SEC14L5: variants seen among roughly 807,000 people sequenced by gnomAD.
SEC14L5 encodes SEC14-like protein 5.
A neutral mutation model predicts 84.6 loss-of-function variants in SEC14L5; 96 were observed. The ratio of observed to expected loss-of-function variants is 1.13; its 90% CI spans 0.96 to 1.34. SEC14L5 has a LOEUF of 1.34. Among genes scored for constraint, SEC14L5 ranks in the 40% most tolerant of loss-of-function variants. SEC14L5 has a pLI of 0.00. For synonymous variants in SEC14L5, 546 were observed against 383.4 expected (o/e 1.42, Z -4.95); for missense variants, 1,224 against 942.5 (o/e 1.30, Z -3.91).
intron 2 of SEC14L5, among the ~76,000 whole-genome samples, chr16:4,975,472 C>A (rs1214189233): frequency 3.1e-3 from 241 of 77,172 alleles, no homozygotes; most frequent in Middle Eastern, 9.3e-3. Context: ...AACTCCATCT[C>A]AAAAAAAAAA....
Position 4,964,327 on chromosome 16 carries a change from A to G in SEC14L5, c.63+4941A>G, listed in dbSNP as rs547583121. ...ACCAGGGCCGGGCATGGTGGCTCAC[A>G]CCTGTAATCCCAGCACTTTGGGAGG... On this transcript the variant is annotated intron_variant, in intron 2 of 15. Coordinates refer to ENST00000251170, the MANE Select transcript of SEC14L5 (RefSeq NM_014692.2). 2.6e-5 allele frequency among the ~76,000 whole-genome samples: 4 copies of G among 152,086 alleles called. No individual in the cohort carries two copies. In the East Asian group the frequency reaches 7.8e-4, roughly 30 times the overall value.
At position 4,996,845 on chromosome 16, in the gene SEC14L5, T is replaced by C; in HGVS notation, c.781-10T>C. On this transcript the variant is annotated splice_polypyrimidine_tract_variant and intron_variant, in intron 7 of 15. Transcript: ENST00000251170. ...CCGTTCTGTGGGCTTTTTACTTCTT[T>C]GTCTCTCAGATTCCCAAAGATGAGC... is the stretch of plus-strand genomic sequence containing the variant. 6.2e-7 allele frequency: 1 copy of C among 1,604,334 alleles called. No homozygotes were observed. The highest frequency in any genetic ancestry group is 8.5e-7 in the Non-Finnish European group (1 of 1,175,284).
At chr16:4,959,232 G>C in intron 1 of SEC14L5, 41 bp from the exon 2 acceptor site, 1 of 961,950 alleles carries the variant, frequency 1.0e-6, no homozygotes, top group Admixed American at 1.8e-5. Context: ...CCTGCTTCCC[G>C]AGGTGGGAGC....
chr16:5,011,471 G>A (rs1406795071), intron 15 of SEC14L5, among the ~76,000 whole-genome samples, 198 bp downstream of exon 15: 1 of 152,214 alleles, frequency 6.6e-6, no homozygotes, highest in East Asian at 1.9e-4. Context: ...GTCTAACTCT[G>A]CTTCCGAAGC....
chr16:4,999,126 G>T (rs1172807079), intron 8 of SEC14L5, among the ~76,000 whole-genome samples: 1 of 152,142 alleles, frequency 6.6e-6, no homozygotes, highest in Admixed American at 6.5e-5. Flanking sequence ...TGACTTTGCT[G>T]TTTAAAATGC....
intron 2 of SEC14L5, among the ~76,000 whole-genome samples, chr16:4,979,731 T>TG (rs1568117295): frequency 2.6e-5 from 4 of 152,082 alleles, no homozygotes; most frequent in African/African-American, 9.7e-5. Context: ...TTCTTGCTCC[T>TG]GTCATTTTCC....
chr16:4,959,698 G>C (rs1955095269), intron 2 of SEC14L5, among the ~76,000 whole-genome samples: 1 of 152,162 alleles, frequency 6.6e-6, no homozygotes, highest in Non-Finnish European at 1.5e-5. Flanking sequence ...TCATATAATG[G>C]CATATCACAG....
chr16:4,976,274 C>G (rs959237075), intron 2 of SEC14L5, among the ~76,000 whole-genome samples: 1 of 152,120 alleles, frequency 6.6e-6, no homozygotes, highest in Non-Finnish European at 1.5e-5. Flanking sequence ...TTTTTTCACA[C>G]AGCTGATGAG....
chr16:4,961,607 G>A, intron 2 of SEC14L5, among the ~76,000 whole-genome samples: 1 of 152,170 alleles, frequency 6.6e-6, no homozygotes, highest in Non-Finnish European at 1.5e-5. Context: ...GGGATTACAG[G>A]GGTGACTCAC....
At chr16:4,969,232 C>CATTTCTGTGTGCATTT (rs1955244437) in intron 2 of SEC14L5, among the ~76,000 whole-genome samples, 1 of 152,218 alleles carries the variant, frequency 6.6e-6, no homozygotes, top group Admixed American at 6.5e-5. Context: ...CTCGTGCATT[C>CATTTCTGTGTGCATTT]ATTTCTGTGT....
At chr16:4,976,304 A>G (rs1310680230) in intron 2 of SEC14L5, among the ~76,000 whole-genome samples, 1 of 152,130 alleles carries the variant, frequency 6.6e-6, no homozygotes, top group Non-Finnish European at 1.5e-5. Flanking sequence ...AGAGATCCCA[A>G]CCCAGGCCCC....
Position 4,999,444 on chromosome 16 carries a change from C to G in SEC14L5, c.971-1211C>G, listed in dbSNP as rs1486070855. ...ACATAGTGAGCTCGCCCCCCTCCAC[C>G]ACATCTCCACAAAAAATACAAAAAA... On this transcript the variant is annotated intron_variant, in intron 8 of 15. Coordinates refer to ENST00000251170, the MANE Select transcript of SEC14L5 (RefSeq NM_014692.2). Among the ~76,000 whole-genome samples, 4 of 151,578 alleles carry G rather than the reference C, an allele frequency of 2.6e-5. No individual in the cohort carries two copies. In the East Asian group the frequency reaches 7.8e-4, roughly 29 times the overall value.
rs764484937 is a variant in SEC14L5 at position 4,990,752 on chromosome 16, C to A, written c.346-15C>A. On this transcript the variant is annotated splice_polypyrimidine_tract_variant and intron_variant, in intron 4 of 15. Transcript: ENST00000251170. ...CGACATTGAGTCCCTGGCATGACCC[C>A]TGCCTGGCTTTCAGGTCCACCCTGA... 13 of 1,601,830 alleles carry A rather than the reference C, an allele frequency of 8.1e-6. No individual in the cohort carries two copies. The highest frequency in any genetic ancestry group is 1.1e-5 in the South Asian group (1 of 89,206).
intron 2 of SEC14L5, among the ~76,000 whole-genome samples, chr16:4,977,045 C>G (rs894999239): frequency 1.3e-5 from 2 of 152,198 alleles, no homozygotes; most frequent in Admixed American, 1.3e-4. Context: ...TGTTTGGTCT[C>G]TGCCAGGGCC....
intron 2 of SEC14L5, among the ~76,000 whole-genome samples, chr16:4,965,523 T>C (rs1047626791): frequency 5.3e-5 from 8 of 151,088 alleles, no homozygotes; most frequent in South Asian, 2.1e-4. Context: ...TAGCCGGGTG[T>C]GGTGGCGGGC....
intron 11 of SEC14L5, among the ~76,000 whole-genome samples, chr16:5,004,052 G>A (rs1217573720): frequency 6.6e-6 from 1 of 152,260 alleles, no homozygotes; most frequent in African/African-American, 2.4e-5. Flanking sequence ...CTTGCATAGT[G>A]TGGGCAAAAG....
chr16:4,981,678 C>T (rs560059668), intron 2 of SEC14L5, among the ~76,000 whole-genome samples: 1 of 152,256 alleles, frequency 6.6e-6, no homozygotes, highest in South Asian at 2.1e-4. Context: ...GGGGACTGGG[C>T]CCAACTGGGA....
intron 2 of SEC14L5, among the ~76,000 whole-genome samples, chr16:4,974,492 C>T (rs1021169683): frequency 6.6e-6 from 1 of 152,198 alleles, no homozygotes; most frequent in South Asian, 2.1e-4. Flanking sequence ...GGTGAGCCAC[C>T]GTGCCTGGCC....
chr16:4,986,286 C>G (rs191895952), intron 2 of SEC14L5, among the ~76,000 whole-genome samples: 62 of 152,102 alleles, frequency 4.1e-4, no homozygotes, highest in African/African-American at 1.4e-3. Flanking sequence ...ATTACAGGCA[C>G]CTGCCACCAC....
Sources: gnomAD v4.1 joint callset for allele counts (sites outside exome capture counted in the v4.1 genomes callset) on GRCh38, gnomAD v4.1.1 for gene constraint, MANE v1.5 for transcripts, NCBI Gene and HGNC (gene_info 2026-07-23, HGNC 2026-07-21) for gene names.